ZC3H3: variants seen among roughly 807,000 people sequenced by gnomAD.
The protein encoded by ZC3H3 is zinc finger CCCH-type containing 3, also known as zinc finger CCCH domain-containing protein 3.
Under a neutral mutation model 77.3 loss-of-function variants are expected in ZC3H3, and 36 were observed. The ratio of observed to expected loss-of-function variants is 0.47; its 90% confidence interval spans 0.36 to 0.61. The LOEUF (loss-of-function observed/expected upper bound fraction) is 0.61. Among genes scored for constraint, ZC3H3 ranks in the 20% least tolerant of loss-of-function variants. The pLI is 0.00. For synonymous variants in ZC3H3, 626 were observed against 555.2 expected, an observed-to-expected ratio of 1.13 and a Z score of -1.79; for missense variants, 1,331 against 1,312.2, an observed-to-expected ratio of 1.01 and a Z score of -0.22.
chr8:143,474,289 G>A (rs1820662541), intron 5 of ZC3H3, among the ~76,000 whole-genome samples: 2 of 151,932 alleles, frequency 1.3e-5, no homozygotes, highest in Non-Finnish European at 2.9e-5. Context: ...CAGTGCCGAG[G>A]AAGGGACCCA....
At chr8:143,502,390 C>G (rs983453121) in intron 4 of ZC3H3, among the ~76,000 whole-genome samples, 6 of 152,244 alleles carry the variant, frequency 3.9e-5, no homozygotes, top group Non-Finnish European at 8.8e-5. Context: ...CCTCCCGTCC[C>G]CAGGCTGAAT....
chr8:143,480,083 C>T (rs915303973), intron 4 of ZC3H3, among the ~76,000 whole-genome samples: 3 of 152,216 alleles, frequency 2.0e-5, no homozygotes, highest in Non-Finnish European at 2.9e-5. Flanking sequence ...TCGCTAGGCA[C>T]AGGTAGCAAC....
At chr8:143,464,736 A>G (rs1820362042) in intron 9 of ZC3H3, among the ~76,000 whole-genome samples, 1 of 152,166 alleles carries the variant, frequency 6.6e-6, no homozygotes, top group African/African-American at 2.4e-5. Flanking sequence ...TGTGAGGTCC[A>G]GGTGGCAGTG....
chr8:143,518,765 C>G (rs768804402), intron 3 of ZC3H3, among the ~76,000 whole-genome samples: 103 of 152,258 alleles, frequency 6.8e-4, no homozygotes, highest in East Asian at 7.7e-4. Context: ...ACCGCTTGTG[C>G]TCCCTCTGGC....
rs549861256 is a variant in ZC3H3 at position 143,525,359 on chromosome 8, C to T, written c.1561+10898G>A. 5.9e-5 allele frequency among the ~76,000 whole-genome samples: 9 copies of T among 152,358 alleles called. No individual in the cohort carries two copies. The South Asian group carries it at 8.3e-4, about 14-fold the overall frequency. ...GGGTGGCAGGTGGTGCAGGCACGGG[C>T]GTGGGCGCGGTCTCCTCTTCAGGAT... is the stretch of plus-strand genomic sequence containing the variant. On this transcript the variant is annotated intron_variant, in intron 3 of 11. Coordinates refer to ENST00000262577, the MANE Select transcript of ZC3H3 (RefSeq NM_015117.3).
Position 143,493,380 on chromosome 8 carries a change from G to A in ZC3H3, c.1715+14366C>T, listed in dbSNP as rs368113710. Reference sequence around the variant, plus strand: ...GACATCCCAGCCTCGGTGTGGATGCGGGCTAGCTCAGGCCCTGGCAAGACT... The same window carrying A: ...GACATCCCAGCCTCGGTGTGGATGCAGGCTAGCTCAGGCCCTGGCAAGACT... On this transcript the variant is annotated intron_variant, in intron 4 of 11. Transcript: ENST00000262577. This position sits in a 1 kb window ranked among gnomAD's most constrained non-coding sequence, Gnocchi z 4.8. 2.6e-5 allele frequency among the ~76,000 whole-genome samples: 4 copies of A among 152,334 alleles called. No individual in the cohort carries two copies. The highest frequency in any genetic ancestry group is 2.1e-4 in the South Asian group (1 of 4,832).
intron 3 of ZC3H3, among the ~76,000 whole-genome samples, chr8:143,511,796 C>A (rs1036902104): frequency 6.6e-6 from 1 of 152,256 alleles, no homozygotes; most frequent in Non-Finnish European, 1.5e-5. Context: ...CTGGTGCAGA[C>A]GGGCCCAGCG....
rs778420634 is a variant in ZC3H3 at position 143,440,378 on chromosome 8, G to A, written c.2493-15C>T. ...CTGAAGGCTTCCTGCAGGGAAGGAA[G>A]GGGCAGACGTGTGAGGTGGGGTGAC... On this transcript the variant is annotated splice_polypyrimidine_tract_variant and intron_variant, in intron 10 of 11. Coordinates refer to ENST00000262577, the MANE Select transcript of ZC3H3 (RefSeq NM_015117.3). 2 of 1,510,972 alleles carry A rather than the reference G, an allele frequency of 1.3e-6. No homozygotes were observed. The highest frequency in any genetic ancestry group is 1.4e-5 in the African/African-American group (1 of 71,944). The allele number at this position is 1,510,972 out of a possible 1,614,324, so 93.6% of individuals were successfully genotyped here.
chr8:143,474,072 C>T (rs1820654752), intron 5 of ZC3H3, among the ~76,000 whole-genome samples: 1 of 152,204 alleles, frequency 6.6e-6, no homozygotes, highest in Non-Finnish European at 1.5e-5. Context: ...CAAAGCCTCA[C>T]CAAGGCCCCC....
At chr8:143,489,208 G>A (rs913399751) in intron 4 of ZC3H3, among the ~76,000 whole-genome samples, 5 of 152,244 alleles carry the variant, frequency 3.3e-5, no homozygotes, top group Non-Finnish European at 5.9e-5. Flanking sequence ...GAGAAAGGTT[G>A]GAGCTGGGTC....
At chr8:143,536,644 G>A (rs748060825) in intron 2 of ZC3H3, among the ~76,000 whole-genome samples, 191 bp from the exon 3 acceptor site, 10 of 152,148 alleles carry the variant, frequency 6.6e-5, no homozygotes, top group Non-Finnish European at 1.0e-4. Flanking sequence ...AGGCTGAGGC[G>A]GCAGGCTTGG....
intron 9 of ZC3H3, among the ~76,000 whole-genome samples, chr8:143,463,245 A>T (rs888650138): frequency 6.6e-6 from 1 of 151,944 alleles, no homozygotes; most frequent in South Asian, 2.1e-4. Flanking sequence ...TCGGCCTCCC[A>T]AAGTGTTGGG....
chr8:143,443,505 T>A (rs1397084200), intron 9 of ZC3H3, among the ~76,000 whole-genome samples: 1 of 152,142 alleles, frequency 6.6e-6, no homozygotes, highest in Non-Finnish European at 1.5e-5. Flanking sequence ...TGTATCACCA[T>A]CTGTGGAACA....
chr8:143,514,303 C>T (rs1821963254), intron 3 of ZC3H3, among the ~76,000 whole-genome samples: 1 of 152,134 alleles, frequency 6.6e-6, no homozygotes, highest in South Asian at 2.1e-4. Flanking sequence ...TGTGTCCCCA[C>T]CACTCCCACC....
intron 9 of ZC3H3, among the ~76,000 whole-genome samples, chr8:143,459,394 C>A (rs1457038647): frequency 2.6e-5 from 4 of 152,134 alleles, no homozygotes; most frequent in African/African-American, 9.7e-5. Flanking sequence ...ACTAAAACTA[C>A]AAAAATTAGC....
intron 9 of ZC3H3, among the ~76,000 whole-genome samples, chr8:143,443,465 C>G (rs1202074316): frequency 6.6e-6 from 1 of 152,052 alleles, no homozygotes; most frequent in Non-Finnish European, 1.5e-5. Flanking sequence ...CCAAACAAAA[C>G]CCCCAGAAAA....
Position 143,478,468 on chromosome 8 carries a change from G to A in ZC3H3, c.1716-2883C>T, listed in dbSNP as rs577693495. Among the ~76,000 whole-genome samples the A allele has an allele frequency of 2.2e-3, 337 of 152,270 alleles. 2 individuals carry two copies. Among genetic ancestry groups the A allele is most frequent in the African/African-American group, 7.3e-3 (305 of 41,558 alleles). The stretch of plus-strand genomic sequence containing the variant: ...CCCCTCAGCTCTGTTTCAGGACCTC[G>A]GCCTGGCTGGGCACTACAGCAGCCA... On this transcript the variant is annotated intron_variant, in intron 4 of 11. Transcript: ENST00000262577.
At chr8:143,483,108 G>A (rs949684099) in intron 4 of ZC3H3, among the ~76,000 whole-genome samples, 1 of 152,248 alleles carries the variant, frequency 6.6e-6, no homozygotes, top group Non-Finnish European at 1.5e-5. Context: ...CTTGGAGCCC[G>A]AGCGGGGAGT....
chr8:143,441,008 G>T lies in ZC3H3; in HGVS notation c.2420C>A (p.Ala807Glu). ...GGGCCCTGGGGCGGGGGACGTGGCT[G>T]CCCGCCGACTGTGGCGTTTCTGGGT... ...HRTQKRHSRR[A>E]ATSPAPGPSD... The change falls in exon 10 of 12, where the codon GCA becomes GAA. Residue 807 changes from alanine to glutamate, a missense_variant. Transcript: ENST00000262577. 6.8e-7 allele frequency: 1 copy of T among 1,472,654 alleles called. No homozygotes were observed. 91.2% of individuals were successfully genotyped at this position (1,472,654 alleles called of 1,614,324 possible).
Sources: gnomAD v4.1 joint callset for allele counts (sites outside exome capture counted in the v4.1 genomes callset) on GRCh38, gnomAD v4.1.1 for gene constraint, Gnocchi (gnomAD v3.1) non-coding constraint, MANE v1.5 for transcripts, NCBI Gene and HGNC (gene_info 2026-07-23, HGNC 2026-07-21) for gene names.